Variants in TMC1 observed in about 807,000 individuals in gnomAD.
TMC1 encodes the protein transmembrane channel-like protein 1.
A neutral mutation model predicts 105.8 loss-of-function variants in TMC1; 84 were observed. That is an observed-to-expected ratio of 0.79 (90% CI 0.67 to 0.95). The LOEUF (loss-of-function observed/expected upper bound fraction) is 0.95. TMC1 is among the 40% of genes least tolerant of loss of function. TMC1 has a pLI of 0.00. For synonymous variants in TMC1, 315 were observed against 311.5 expected (o/e 1.01, Z -0.12); for missense variants, 817 against 914.1 (o/e 0.89, Z 1.37).
intron 4 of TMC1, among the ~76,000 whole-genome samples, chr9:72,635,066 G>A (rs1825511304): frequency 6.6e-6 from 1 of 152,014 alleles, no homozygotes; most frequent in Non-Finnish European, 1.5e-5. Context: ...AGACCAGCCT[G>A]GCCAATGTGG....
chr9:72,836,192 C>A lies in TMC1; in HGVS notation c.*219C>A. ...CAAGTCAGAAACTGTTTCTGCAGAG[C>A]CACTCTCTCCCCTGCTCCATTTCGT... On this transcript the variant is annotated 3_prime_UTR_variant, in exon 24 of 24. Coordinates refer to ENST00000297784, the MANE Select transcript of TMC1 (RefSeq NM_138691.3). 1 of 639,186 alleles carries A rather than the reference C, an allele frequency of 1.6e-6. No homozygotes were observed. Among genetic ancestry groups the A allele is most frequent in the Non-Finnish European group, 2.8e-6 (1 of 354,590 alleles). 39.6% of individuals were successfully genotyped at this position (639,186 alleles called of 1,614,324 possible).
chr9:72,700,365 C>A (rs1414835792), intron 7 of TMC1, among the ~76,000 whole-genome samples, 153 bp from the exon 8 acceptor site: 1 of 151,926 alleles, frequency 6.6e-6, no homozygotes, highest in Non-Finnish European at 1.5e-5. Flanking sequence ...CATCAGTGTT[C>A]AGATTTGAGT....
At chr9:72,798,727 A>C (rs938942988) in intron 17 of TMC1, among the ~76,000 whole-genome samples, 1 of 152,022 alleles carries the variant, frequency 6.6e-6, no homozygotes, top group Admixed American at 6.6e-5. Context: ...AAAGATAACT[A>C]TTGGGTACTG....
chr9:72,810,796 T>C (rs1338081327), intron 18 of TMC1, among the ~76,000 whole-genome samples: 1 of 152,198 alleles, frequency 6.6e-6, no homozygotes, highest in Non-Finnish European at 1.5e-5. Flanking sequence ...TAAGTTGAAC[T>C]GTCTAATTAT....
At chr9:72,740,247 GC>G (rs1564524332) in intron 9 of TMC1, 38 bp downstream of exon 9, 1 of 1,566,192 alleles carries the variant, frequency 6.4e-7, no homozygotes, top group Admixed American at 1.7e-5. Context: ...ATGGCATATT[GC>G]CTCTAAGAAG....
intron 20 of TMC1, among the ~76,000 whole-genome samples, chr9:72,824,529 G>A (rs755081409): frequency 4.5e-4 from 68 of 152,310 alleles, no homozygotes; most frequent in Middle Eastern, 3.4e-3. Flanking sequence ...GGGCCAGGAA[G>A]GGCAGGTCAT....
intron 5 of TMC1, among the ~76,000 whole-genome samples, chr9:72,688,069 G>A (rs1487771071): frequency 6.6e-6 from 1 of 152,068 alleles, no homozygotes; most frequent in South Asian, 2.1e-4. Context: ...GTGTTATGGG[G>A]TGAGGAATAA....
chr9:72,570,566 A>T (rs1011353120), intron 1 of TMC1, among the ~76,000 whole-genome samples: 41 of 151,152 alleles, frequency 2.7e-4, no homozygotes, highest in African/African-American at 9.5e-4. Flanking sequence ...TTCATTTCTT[A>T]TATTTTAAAT....
At chr9:72,641,745 T>C (rs993308337) in intron 4 of TMC1, among the ~76,000 whole-genome samples, 12 of 151,738 alleles carry the variant, frequency 7.9e-5, no homozygotes, top group Non-Finnish European at 1.6e-4. Context: ...AACTTATTAT[T>C]AATATATGTG....
At chr9:72,568,784 C>A (rs1329820769) in intron 1 of TMC1, among the ~76,000 whole-genome samples, 1 of 152,154 alleles carries the variant, frequency 6.6e-6, no homozygotes, top group Admixed American at 6.5e-5. Context: ...CTCCATACTT[C>A]TCTGAAATAA....
At chr9:72,584,549 G>A (rs1240870392) in intron 2 of TMC1, among the ~76,000 whole-genome samples, 1 of 151,830 alleles carries the variant, frequency 6.6e-6, no homozygotes, top group Non-Finnish European at 1.5e-5. Context: ...TTACAGGCAT[G>A]AGCCACCGCA....
At chr9:72,683,925 T>C (rs1344352860) in intron 5 of TMC1, among the ~76,000 whole-genome samples, 1 of 151,466 alleles carries the variant, frequency 6.6e-6, no homozygotes, top group African/African-American at 2.4e-5. Context: ...CTCTCATTCT[T>C]TTTCTTTCTT....
chr9:72,554,958 A>G (rs1823906323), intron 1 of TMC1, among the ~76,000 whole-genome samples: 1 of 152,100 alleles, frequency 6.6e-6, no homozygotes, highest in Non-Finnish European at 1.5e-5. Flanking sequence ...AGCTCACTGC[A>G]ATCTCTGCTG....
At position 72,782,224 on chromosome 9, in the gene TMC1, CAATA is replaced by C. The variant is rs571257048; in HGVS notation, c.885-6114_885-6111del. Reference sequence around the variant, plus strand: ...AAAAACAGAAACTACGTGATCATCTCAATAGACGCAGAAAAGGCTTTGGATAAAA... The same window carrying C: ...AAAAACAGAAACTACGTGATCATCTCGACGCAGAAAAGGCTTTGGATAAAA... On this transcript the variant is annotated intron_variant, in intron 13 of 23. Transcript: ENST00000297784. Among the ~76,000 whole-genome samples the C allele has an allele frequency of 3.6e-4, 55 of 152,236 alleles. 1 individual carries two copies. The South Asian group carries it at 0.011, about 31-fold the overall frequency.
chr9:72,605,008 C>T (rs1295767353), intron 2 of TMC1, among the ~76,000 whole-genome samples: 1 of 152,162 alleles, frequency 6.6e-6, no homozygotes, highest in African/African-American at 2.4e-5. Flanking sequence ...ATGGTTTAAT[C>T]AATTGTTTAT....
chr9:72,695,150 A>T (rs187311570), intron 7 of TMC1, among the ~76,000 whole-genome samples: 25 of 152,312 alleles, frequency 1.6e-4, no homozygotes, highest in African/African-American at 6.0e-4. Flanking sequence ...AAGGGTCATT[A>T]ATAAAAAGCA....
At chr9:72,568,614 A>G (rs1359722280) in intron 1 of TMC1, among the ~76,000 whole-genome samples, 3 of 152,164 alleles carry the variant, frequency 2.0e-5, no homozygotes, top group African/African-American at 7.2e-5. Context: ...CTTACCTTAA[A>G]TGTTCTTGAC....
intron 1 of TMC1, among the ~76,000 whole-genome samples, chr9:72,577,392 A>G (rs1587970131): frequency 6.6e-6 from 1 of 152,246 alleles, no homozygotes; most frequent in African/African-American, 2.4e-5. Flanking sequence ...AAGGAACAAG[A>G]AGCCAAAAAC....
chr9:72,753,710 A>C (rs928819853), intron 11 of TMC1, among the ~76,000 whole-genome samples: 2 of 152,160 alleles, frequency 1.3e-5, no homozygotes, highest in African/African-American at 4.8e-5. Flanking sequence ...AGGCCAGGGC[A>C]GTCATCTCCT....
Sources: gnomAD v4.1 joint callset for allele counts (sites outside exome capture counted in the v4.1 genomes callset) on GRCh38, gnomAD v4.1.1 for gene constraint, MANE v1.5 for transcripts, NCBI Gene and HGNC (gene_info 2026-07-23, HGNC 2026-07-21) for gene names.